SLC1A2: variants seen among roughly 807,000 people sequenced by gnomAD.
The protein encoded by SLC1A2 is excitatory amino acid transporter 2.
In SLC1A2, 15 loss-of-function variants were observed where a neutral mutation model predicts 48.8. The observed-to-expected ratio is 0.31, with a 90% CI of 0.21 to 0.47. The LOEUF (loss-of-function observed/expected upper bound fraction) is 0.47, where lower values mean the gene tolerates loss of function less well. SLC1A2 is among the 20% of genes least tolerant of loss of function. The pLI, the probability that SLC1A2 is intolerant of heterozygous loss-of-function variation, is 0.99. For synonymous variants in SLC1A2, 279 were observed against 272.6 expected, an observed-to-expected ratio of 1.02 and a Z score of -0.23; for missense variants, 502 against 730.5, an observed-to-expected ratio of 0.69 and a Z score of 3.61.
chr11:35,269,810 A>G (rs545014638), intron 9 of SLC1A2, among the ~76,000 whole-genome samples: 129 of 152,336 alleles, frequency 8.5e-4, no homozygotes, highest in African/African-American at 3.1e-3. Flanking sequence ...ACAGAGTTGT[A>G]TAGAATAAAA....
At chr11:35,300,443 G>T (rs561256951) in intron 6 of SLC1A2, among the ~76,000 whole-genome samples, 1 of 152,220 alleles carries the variant, frequency 6.6e-6, no homozygotes, top group East Asian at 1.9e-4. Flanking sequence ...GGTGATGAGG[G>T]CTGTGCCCTC....
chr11:35,394,375 T>C (rs932897945), intron 1 of SLC1A2, among the ~76,000 whole-genome samples: 2 of 151,866 alleles, frequency 1.3e-5, no homozygotes, highest in Non-Finnish European at 2.9e-5. Flanking sequence ...TGTCCACAGA[T>C]GGGGGGACAC....
At chr11:35,269,254 C>G (rs1850202531) in intron 9 of SLC1A2, among the ~76,000 whole-genome samples, 1 of 152,206 alleles carries the variant, frequency 6.6e-6, no homozygotes, top group Non-Finnish European at 1.5e-5. Context: ...CAAGCCTCCA[C>G]AGAACTGTAA....
At chr11:35,375,966 G>T (rs1854214310) in intron 1 of SLC1A2, among the ~76,000 whole-genome samples, 1 of 152,210 alleles carries the variant, frequency 6.6e-6, no homozygotes, top group Non-Finnish European at 1.5e-5. Context: ...CACAGAGCCA[G>T]AAGCGGAATC....
upstream of SLC1A2, chr11:35,420,096 C>A: frequency 4.1e-6 from 1 of 241,012 alleles, no homozygotes. Flanking sequence ...ATTAATGCAG[C>A]TCCCTGGGGG....
At chr11:35,319,791 A>G (rs1851999611) in intron 1 of SLC1A2, among the ~76,000 whole-genome samples, 1 of 152,252 alleles carries the variant, frequency 6.6e-6, no homozygotes, top group Admixed American at 6.5e-5. Flanking sequence ...GCCCTGAATC[A>G]AAACAGCCAC....
intron 1 of SLC1A2, among the ~76,000 whole-genome samples, chr11:35,329,541 T>TTA (rs1852362691): frequency 6.6e-6 from 1 of 152,194 alleles, no homozygotes; most frequent in Non-Finnish European, 1.5e-5. Flanking sequence ...AAAAACAGCA[T>TTA]ATTAAATAAA....
intron 1 of SLC1A2, among the ~76,000 whole-genome samples, chr11:35,320,558 C>A (rs1852022482): frequency 6.6e-6 from 1 of 152,222 alleles, no homozygotes; most frequent in Non-Finnish European, 1.5e-5. Context: ...CATTCTCCAC[C>A]AGTCTATGAG....
chr11:35,333,218 G>A (rs1449943103), intron 1 of SLC1A2, among the ~76,000 whole-genome samples: 1 of 152,116 alleles, frequency 6.6e-6, no homozygotes, highest in South Asian at 2.1e-4. Context: ...TTTGAGACCA[G>A]CCTTGCCAAA....
At chr11:35,370,396 G>A (rs1043028490) in intron 1 of SLC1A2, among the ~76,000 whole-genome samples, 6 of 152,120 alleles carry the variant, frequency 3.9e-5, no homozygotes, top group Non-Finnish European at 8.8e-5. Flanking sequence ...TGTCAGTGCC[G>A]GGCTAAGCCT....
intron 6 of SLC1A2, among the ~76,000 whole-genome samples, chr11:35,296,739 T>G (rs909123276): frequency 6.6e-6 from 1 of 152,188 alleles, no homozygotes; most frequent in Admixed American, 6.5e-5. Flanking sequence ...TTCACCAGGT[T>G]GCTTGGCTCA....
intron 1 of SLC1A2, chr11:35,322,530 GGATGT>G: frequency 7.7e-7 from 1 of 1,305,940 alleles, no homozygotes. Flanking sequence ...TTCTCCTGGA[GGATGT>G]GAGGTTTGCA....
intron 1 of SLC1A2, among the ~76,000 whole-genome samples, chr11:35,334,814 A>G (rs955360124): frequency 1.3e-4 from 19 of 146,982 alleles, no homozygotes; most frequent in Non-Finnish European, 2.4e-4. Context: ...CTGGAGAGCA[A>G]TTTTGTTTTG....
intron 1 of SLC1A2, among the ~76,000 whole-genome samples, chr11:35,347,231 GAGA>G (rs1383082242): frequency 6.6e-6 from 1 of 152,192 alleles, no homozygotes; most frequent in Non-Finnish European, 1.5e-5. Flanking sequence ...CCATGAGAGC[GAGA>G]AGAAGTGCGA....
At chr11:35,268,602 T>C (rs1456031839) in intron 9 of SLC1A2, among the ~76,000 whole-genome samples, 1 of 150,984 alleles carries the variant, frequency 6.6e-6, no homozygotes, top group African/African-American at 2.4e-5. Context: ...GAGGCAGAGG[T>C]TGCAGTGAGC....
intron 4 of SLC1A2, among the ~76,000 whole-genome samples, chr11:35,310,787 T>C (rs948061203): frequency 1.3e-4 from 20 of 152,144 alleles, no homozygotes; most frequent in Admixed American, 8.5e-4. Context: ...GAATGGGGCC[T>C]ACTCAGCTAA....
At chr11:35,375,766 A>T (rs890180700) in intron 1 of SLC1A2, among the ~76,000 whole-genome samples, 6 of 152,232 alleles carry the variant, frequency 3.9e-5, no homozygotes, top group Non-Finnish European at 2.9e-5. Flanking sequence ...GAGGAGGGTG[A>T]GCAATGGTAA....
chr11:35,355,102 A>C (rs1853409453), intron 1 of SLC1A2, among the ~76,000 whole-genome samples: 1 of 152,188 alleles, frequency 6.6e-6, no homozygotes, highest in Non-Finnish European at 1.5e-5. Flanking sequence ...AATACAAACA[A>C]ACAATAGAGC....
chr11:35,305,192 C>T (rs1565228117), intron 5 of SLC1A2, among the ~76,000 whole-genome samples: 1 of 152,160 alleles, frequency 6.6e-6, no homozygotes, highest in Non-Finnish European at 1.5e-5. Flanking sequence ...ACTGGGCAGA[C>T]TAGAGCCGCT....
Sources: allele counts gnomAD v4.1 joint callset (sites outside exome capture counted in the v4.1 genomes callset), GRCh38; gene constraint gnomAD v4.1.1; transcripts MANE v1.5; gene names NCBI Gene and HGNC (gene_info 2026-07-23, HGNC 2026-07-21).